Variants in OLFM1 observed in about 807,000 individuals in gnomAD.
OLFM1 encodes olfactomedin 1.
Under a neutral mutation model 49.7 loss-of-function variants are expected in OLFM1, and 9 were observed. The ratio of observed to expected loss-of-function variants is 0.18; its 90% CI spans 0.11 to 0.32. The LOEUF is 0.32. Ranked by LOEUF, OLFM1 falls within the 10% of genes least tolerant of loss-of-function variation. The pLI, the probability that OLFM1 is intolerant of heterozygous loss-of-function variation, is 1.00. For synonymous variants in OLFM1, 240 were observed against 271.8 expected, an observed-to-expected ratio of 0.88 and a Z score of 1.15; for missense variants, 369 against 661.8, an observed-to-expected ratio of 0.56 and a Z score of 4.85.
In OLFM1 at chr9:135,088,286, C is replaced by A; in HGVS notation, c.150+147C>A. 1.4e-6 allele frequency: 1 copy of A among 710,162 alleles called. No homozygotes were observed. The highest frequency in any genetic ancestry group is 1.9e-6 in the Non-Finnish European group (1 of 526,666). The allele number at this position is 710,162 out of a possible 1,614,324, so 44.0% of individuals were successfully genotyped here. Reference sequence around the variant, plus strand: ...GGGGAGCAGGGCGGGCAAGGGCAGGCGTCGCGGGCCGGCGCAGCGGTGGCG... The same window carrying A: ...GGGGAGCAGGGCGGGCAAGGGCAGGAGTCGCGGGCCGGCGCAGCGGTGGCG... On this transcript the variant is annotated intron_variant, in intron 1 of 5. Transcript: ENST00000371793. This position sits in a 1 kb window ranked among gnomAD's most constrained non-coding sequence, Gnocchi z 4.8.
intron 2 of OLFM1, among the ~76,000 whole-genome samples, chr9:135,090,686 G>A (rs1488089812): frequency 1.3e-5 from 2 of 152,040 alleles, no homozygotes; most frequent in Non-Finnish European, 2.9e-5. Context: ...ATGGTGAGAC[G>A]GGACACAAGG....
rs1334717947 is a variant in OLFM1 at position 135,117,683 on chromosome 9, C to CT, written c.784-1820dup. On this transcript the variant is annotated intron_variant, in intron 5 of 5. Transcript: ENST00000371793. This position sits in a 1 kb window ranked among gnomAD's most constrained non-coding sequence, Gnocchi z 5.5. Reference sequence around the variant, plus strand: ...CCCCCACTATGGGCCAGGCCCCTGGCTAGGGGTATGGCAGTGAACAGATAG... The same window carrying CT: ...CCCCCACTATGGGCCAGGCCCCTGGCTTAGGGGTATGGCAGTGAACAGATAG... Among the ~76,000 whole-genome samples, 1 of 152,214 alleles carries CT rather than the reference C, an allele frequency of 6.6e-6. No homozygotes were observed. Among genetic ancestry groups the CT allele is most frequent in the Non-Finnish European group, 1.5e-5 (1 of 68,036 alleles).
intron 2 of OLFM1, among the ~76,000 whole-genome samples, chr9:135,092,218 GAGA>G (rs1276760538): frequency 6.6e-6 from 1 of 152,180 alleles, no homozygotes; most frequent in Non-Finnish European, 1.5e-5. Flanking sequence ...CCCTTCCTTG[GAGA>G]AGGAGAGGGT....
upstream of OLFM1, chr9:135,087,238 G>A: frequency 7.0e-7 from 1 of 1,418,646 alleles, no homozygotes; most frequent in Non-Finnish European, 9.2e-7. Context: ...TCAGGCGACG[G>A]CCCAGGCTGG....
intron 1 of OLFM1, chr9:135,076,790 T>A: frequency 6.6e-7 from 1 of 1,519,074 alleles, no homozygotes; most frequent in Non-Finnish European, 8.9e-7. Flanking sequence ...CTTTCCTTCC[T>A]CCCTTCCTCC....
rs570701615 is a variant in OLFM1, at chr9:135,088,501, T to C, written c.150+362T>C. The stretch of plus-strand genomic sequence containing the variant: ...GGTTAGGAAACTAAGGCTGGGGACT[T>C]GGGGACTTGTCCAAGGTCACACTCA... On this transcript the variant is annotated intron_variant, in intron 1 of 5. Transcript: ENST00000371793. This position sits in a 1 kb window ranked among gnomAD's most constrained non-coding sequence, Gnocchi z 4.8. Among the ~76,000 whole-genome samples, 2 of 152,022 alleles carry C rather than the reference T, an allele frequency of 1.3e-5. No homozygotes were observed. The highest frequency in any genetic ancestry group is 4.2e-4 in the South Asian group (2 of 4,814).
chr9:135,083,604 G>A (rs1830559093), upstream of OLFM1, among the ~76,000 whole-genome samples: 1 of 152,190 alleles, frequency 6.6e-6, no homozygotes, highest in Non-Finnish European at 1.5e-5. Context: ...GGGGAAGGAC[G>A]ATACCTCGGA....
rs938867386 is a variant in OLFM1 at position 135,098,791 on chromosome 9, G to T, written c.676+286G>T. Among the ~76,000 whole-genome samples the T allele has an allele frequency of 6.6e-6, 1 of 152,230 alleles. No individual in the cohort carries two copies. The highest frequency in any genetic ancestry group is 1.5e-5 in the Non-Finnish European group (1 of 68,032). On this transcript the variant is annotated intron_variant, in intron 4 of 5. Coordinates refer to ENST00000371793, the MANE Select transcript of OLFM1 (RefSeq NM_001282611.2). The surrounding 1 kb of genome is among the most constrained non-coding windows in gnomAD (Gnocchi z 5.6). ...ACCATCTGGCAGATTGTGTGTGTGT[G>T]TGTGAATCGTATGTGTGTGTGCATT...
At chr9:135,114,648 T>G (rs1831071749) in intron 5 of OLFM1, among the ~76,000 whole-genome samples, 1 of 134,988 alleles carries the variant, frequency 7.4e-6, no homozygotes, top group Non-Finnish European at 1.6e-5. Flanking sequence ...AGGCAAGAGT[T>G]GGTAGGTCTG....
intron 1 of OLFM1, chr9:135,075,884 T>A: frequency 6.9e-7 from 1 of 1,458,554 alleles, no homozygotes; most frequent in Middle Eastern, 1.8e-4. Flanking sequence ...CGGGAACGGC[T>A]CTGGCTCCGC....
chr9:135,082,387 C>A (rs1023829044), intron 1 of OLFM1, among the ~76,000 whole-genome samples: 3 of 125,082 alleles, frequency 2.4e-5, no homozygotes, highest in South Asian at 2.5e-4. Flanking sequence ...CCCTACCATA[C>A]AAAATGGCTC....
chr9:135,110,911 G>A (rs1332693687), intron 5 of OLFM1, among the ~76,000 whole-genome samples: 3 of 152,194 alleles, frequency 2.0e-5, no homozygotes, highest in African/African-American at 4.8e-5. Context: ...AAGTCCCTAC[G>A]CCAAGACCCC....
upstream of OLFM1, among the ~76,000 whole-genome samples, chr9:135,083,701 T>C (rs542503751): frequency 1.1e-4 from 17 of 152,278 alleles, no homozygotes; most frequent in East Asian, 3.3e-3. Flanking sequence ...ACGGTGTGCA[T>C]AGGGCACAGG....
At chr9:135,087,339 C>T, upstream of OLFM1, 2 of 1,541,398 alleles carry the variant, frequency 1.3e-6, no homozygotes, top group Non-Finnish European at 1.7e-6. Flanking sequence ...AGCGGACCCT[C>T]TGCGGGGATC....
intron 4 of OLFM1, among the ~76,000 whole-genome samples, chr9:135,099,419 C>T (rs1416185958): frequency 6.6e-6 from 1 of 152,074 alleles, no homozygotes; most frequent in African/African-American, 2.4e-5. Context: ...TCTACTCTCC[C>T]TTCCACACAC....
chr9:135,100,686 C>T (rs1032838381), intron 4 of OLFM1, among the ~76,000 whole-genome samples: 1 of 152,166 alleles, frequency 6.6e-6, no homozygotes, highest in African/African-American at 2.4e-5. Context: ...GATAGCTGTG[C>T]GACTCCCCCA....
intron 2 of OLFM1, 84 bp downstream of exon 2, chr9:135,090,428 C>T: frequency 7.2e-7 from 1 of 1,393,940 alleles, no homozygotes. Context: ...GTGCTCACAC[C>T]AGCACCAAGG....
At chr9:135,079,777 C>T (rs1041831535) in intron 1 of OLFM1, among the ~76,000 whole-genome samples, 5 of 152,104 alleles carry the variant, frequency 3.3e-5, no homozygotes, top group Admixed American at 6.5e-5. Context: ...ATCCCCAGGC[C>T]GGGCCTGGCC....
At chr9:135,109,175 C>T (rs752837840) in intron 5 of OLFM1, among the ~76,000 whole-genome samples, 5 of 152,230 alleles carry the variant, frequency 3.3e-5, no homozygotes, top group African/African-American at 7.2e-5. Flanking sequence ...CTGTATCTAA[C>T]GCCACACGTG....
Sources: gnomAD v4.1 joint callset for allele counts (sites outside exome capture counted in the v4.1 genomes callset) on GRCh38, gnomAD v4.1.1 for gene constraint, Gnocchi (gnomAD v3.1) non-coding constraint, MANE v1.5 for transcripts, NCBI Gene and HGNC (gene_info 2026-07-23, HGNC 2026-07-21) for gene names.